Variants in WWOX observed in about 807,000 individuals in gnomAD.
WWOX encodes WW domain-containing oxidoreductase.
A neutral mutation model predicts 46.2 loss-of-function variants in WWOX; 69 were observed. That is an observed-to-expected ratio of 1.49 (90% CI 1.23 to 1.82). The LOEUF is 1.82. Ranked by LOEUF, WWOX falls within the 40% of genes most tolerant of loss-of-function variation. The probability of loss-of-function intolerance (pLI) is 0.00; values close to 1 mark genes in which losing one functional copy is unlikely to be tolerated. For missense variants in WWOX, 919 were observed against 542.6 expected (o/e 1.69, Z -6.89); for synonymous variants, 359 against 202.6 (o/e 1.77, Z -6.56).
chr16:78,103,848 G>C (rs910430992), intron 1 of WWOX, among the ~76,000 whole-genome samples: 1 of 152,030 alleles, frequency 6.6e-6, no homozygotes, highest in African/African-American at 2.4e-5. Context: ...ACCCGGTCTT[G>C]TGTGGGTGCT....
At chr16:78,181,129 C>T (rs2035520263) in intron 5 of WWOX, among the ~76,000 whole-genome samples, 1 of 151,888 alleles carries the variant, frequency 6.6e-6, no homozygotes, top group Non-Finnish European at 1.5e-5. Flanking sequence ...GACAGGCATA[C>T]AGAGAAAGAG....
intron 8 of WWOX, among the ~76,000 whole-genome samples, chr16:78,782,412 G>A (rs560498757): frequency 3.3e-5 from 5 of 152,162 alleles, no homozygotes; most frequent in Non-Finnish European, 5.9e-5. Flanking sequence ...GAAAGGTAGA[G>A]CTCTCTTATG....
chr16:78,330,718 A>G (rs368029273), intron 5 of WWOX, among the ~76,000 whole-genome samples: 6 of 152,334 alleles, frequency 3.9e-5, no homozygotes, highest in South Asian at 2.1e-4. Flanking sequence ...CTATGCAACT[A>G]TATGTGGGTG....
At chr16:78,569,652 A>C (rs1055009691) in intron 8 of WWOX, among the ~76,000 whole-genome samples, 2 of 152,228 alleles carry the variant, frequency 1.3e-5, no homozygotes, top group African/African-American at 4.8e-5. Context: ...TATAGAGTAG[A>C]CATAACATTT....
chr16:78,109,749 C>G, intron 2 of WWOX, 29 bp from the exon 3 acceptor site: 2 of 1,613,624 alleles, frequency 1.2e-6, no homozygotes, highest in Non-Finnish European at 1.7e-6. Context: ...CTCCCTGGCA[C>G]CTGTAGACCT....
intron 8 of WWOX, among the ~76,000 whole-genome samples, chr16:78,625,977 T>G (rs2046301949): frequency 6.6e-6 from 1 of 151,704 alleles, no homozygotes; most frequent in South Asian, 2.1e-4. Context: ...TTAAAAGTAA[T>G]GGCACCAACC....
intron 8 of WWOX, among the ~76,000 whole-genome samples, chr16:79,154,603 T>C (rs1338952646): frequency 2.0e-5 from 3 of 152,122 alleles, no homozygotes; most frequent in African/African-American, 7.2e-5. Flanking sequence ...TTTTCTTCAC[T>C]TGGAAAAACT....
At chr16:78,177,324 GAGTGGGTGACACAAGAT>G (rs1322914567) in intron 5 of WWOX, among the ~76,000 whole-genome samples, 3 of 152,188 alleles carry the variant, frequency 2.0e-5, no homozygotes, top group Non-Finnish European at 4.4e-5. Context: ...CTAGGTGGTA[GAGTGGGTGACACAAGAT>G]AGTCTAGAAG....
At chr16:78,148,608 G>T (rs2034288995) in intron 4 of WWOX, among the ~76,000 whole-genome samples, 1 of 151,888 alleles carries the variant, frequency 6.6e-6, no homozygotes, top group Non-Finnish European at 1.5e-5. Context: ...TTATAAAAGT[G>T]CCATGTTGGC....
At chr16:78,998,140 G>A (rs973447674) in intron 8 of WWOX, among the ~76,000 whole-genome samples, 2 of 152,112 alleles carry the variant, frequency 1.3e-5, no homozygotes, top group African/African-American at 4.8e-5. Context: ...GCCTCCCAAA[G>A]TGCTGGGATT....
rs373100251 is a variant in WWOX, at chr16:78,260,807, C to T, written c.516+96518C>T. On this transcript the variant is annotated intron_variant, in intron 5 of 8. Coordinates refer to ENST00000566780, the MANE Select transcript of WWOX (RefSeq NM_016373.4). ...TACAAAAATTAGCTGGGTGTGGTGG[C>T]GTGCCTGTAATCCCAGCTATTGGGG... 2.1e-3 allele frequency among the ~76,000 whole-genome samples: 286 copies of T among 134,518 alleles called. 5 individuals carry two copies. The highest frequency in any genetic ancestry group is 5.5e-3 in the African/African-American group (193 of 35,284). 88.2% of individuals were successfully genotyped at this position (134,518 alleles called of 152,430 possible).
intron 8 of WWOX, among the ~76,000 whole-genome samples, chr16:78,542,498 C>G (rs1390069804): frequency 6.6e-6 from 1 of 152,048 alleles, no homozygotes; most frequent in Admixed American, 6.6e-5. Context: ...AAGCTGAGAG[C>G]AAACCACATT....
intron 8 of WWOX, among the ~76,000 whole-genome samples, chr16:78,955,371 G>A (rs950953946): frequency 2.0e-5 from 3 of 152,118 alleles, no homozygotes; most frequent in Non-Finnish European, 2.9e-5. Flanking sequence ...CAGGTGTGCC[G>A]CAGCACTCAG....
At chr16:78,970,045 G>A (rs148451697) in intron 8 of WWOX, among the ~76,000 whole-genome samples, 9 of 152,198 alleles carry the variant, frequency 5.9e-5, no homozygotes, top group African/African-American at 9.7e-5. Context: ...TATGAAAACT[G>A]TGATGGGATT....
At chr16:79,038,116 A>G (rs1390433079) in intron 8 of WWOX, among the ~76,000 whole-genome samples, 21 of 152,124 alleles carry the variant, frequency 1.4e-4, no homozygotes, top group Non-Finnish European at 2.6e-4. Flanking sequence ...TGCAGGATCC[A>G]GTTCAAAAGG....
At chr16:78,476,330 A>G (rs1174731570) in intron 8 of WWOX, among the ~76,000 whole-genome samples, 1 of 152,088 alleles carries the variant, frequency 6.6e-6, no homozygotes, top group Non-Finnish European at 1.5e-5. Flanking sequence ...GCTGGAAACC[A>G]TCATTCTCAG....
At chr16:78,170,097 C>T (rs1221098699) in intron 5 of WWOX, among the ~76,000 whole-genome samples, 2 of 152,126 alleles carry the variant, frequency 1.3e-5, no homozygotes, top group Admixed American at 1.3e-4. Context: ...ATTACCCTCT[C>T]ATATGGGAGG....
Position 78,982,916 on chromosome 16 carries a change from A to T in WWOX, c.1057-228692A>T, listed in dbSNP as rs183606523. Among the ~76,000 whole-genome samples, 313 of 152,318 alleles carry T rather than the reference A, an allele frequency of 2.1e-3. 1 individual carries two copies. The highest frequency in any genetic ancestry group is 7.4e-3 in the African/African-American group (307 of 41,574). On this transcript the variant is annotated intron_variant, in intron 8 of 8. Coordinates refer to ENST00000566780, the MANE Select transcript of WWOX (RefSeq NM_016373.4). Reference sequence around the variant, plus strand: ...TGGTGATGTTGTGAACAGTGCCTGAAATAATAAAATTACCCTGAGCAGATT... The same window carrying T: ...TGGTGATGTTGTGAACAGTGCCTGATATAATAAAATTACCCTGAGCAGATT...
At chr16:78,957,523 G>C (rs958415007) in intron 8 of WWOX, among the ~76,000 whole-genome samples, 4 of 152,194 alleles carry the variant, frequency 2.6e-5, no homozygotes, top group Non-Finnish European at 4.4e-5. Context: ...TGGGAACTGA[G>C]AATGTCTACT....
Sources: gnomAD v4.1 joint callset for allele counts (sites outside exome capture counted in the v4.1 genomes callset) on GRCh38, gnomAD v4.1.1 for gene constraint, MANE v1.5 for transcripts, NCBI Gene and HGNC (gene_info 2026-07-23, HGNC 2026-07-21) for gene names.